SOS1: variants seen among roughly 807,000 people sequenced by gnomAD.
SOS1 encodes the protein SOS Ras/Rac guanine nucleotide exchange factor 1.
A neutral mutation model predicts 157.6 loss-of-function variants in SOS1; 25 were observed. The observed-to-expected ratio is 0.16, with a 90% CI of 0.12 to 0.22. The LOEUF is 0.22. SOS1 is among the 10% of genes least tolerant of loss of function. SOS1 has a pLI of 1.00. For missense variants in SOS1, 1,237 were observed against 1,599.1 expected (o/e 0.77, Z 3.86); for synonymous variants, 528 against 534.0 (o/e 0.99, Z 0.16).
intron 1 of SOS1, among the ~76,000 whole-genome samples, chr2:39,117,155 A>C (rs1673682380): frequency 6.6e-6 from 1 of 151,410 alleles, no homozygotes; most frequent in African/African-American, 2.4e-5. Flanking sequence ...CAGCCTCCCG[A>C]GTAGCTGGGA....
In SOS1 at chr2:38,982,431, T is replaced by A. The variant is rs986737288; in HGVS notation, c.*3393A>T. ...TGAATAAAGTCATCATGTTCCCTTA[T>A]AAATAACTTTACTGCATAATTCTTT... is the stretch of plus-strand genomic sequence containing the variant. On this transcript the variant is annotated 3_prime_UTR_variant, in exon 23 of 23. Transcript: ENST00000402219. 1 of 152,184 alleles carries A rather than the reference T, an allele frequency of 6.6e-6. No homozygotes were observed. The highest frequency in any genetic ancestry group is 1.5e-5 in the Non-Finnish European group (1 of 68,026). The allele number at this position is 152,184 out of a possible 1,614,324, so 9.4% of individuals were successfully genotyped here.
rs72918710 is a variant in SOS1, at chr2:39,022,428, T to C, written c.1858+142A>G. Reference sequence around the variant, plus strand: ...AAAAGTAAAACATTCCAAAGAAATATAAAGTGGGGTATTTTTAGTCAAAGA... The same window carrying C: ...AAAAGTAAAACATTCCAAAGAAATACAAAGTGGGGTATTTTTAGTCAAAGA... On this transcript the variant is annotated intron_variant, in intron 10 of 22. Transcript: ENST00000402219. 0.015 allele frequency: 10,246 copies of C among 674,832 alleles called. 865 individuals are homozygous for C. The African/African-American group carries it at 0.17, about 11-fold the overall frequency. 41.8% of individuals were successfully genotyped at this position (674,832 alleles called of 1,614,324 possible). A position where few individuals can be genotyped will look rare whatever the true frequency, so the allele number is the denominator to read the frequency against.
At chr2:39,080,051 T>C (rs1037400208) in intron 1 of SOS1, among the ~76,000 whole-genome samples, 1 of 152,032 alleles carries the variant, frequency 6.6e-6, no homozygotes, top group South Asian at 2.1e-4. Flanking sequence ...ATGATTCAAG[T>C]GCATTACATT....
rs1257208031 is a variant in SOS1 at position 38,986,212 on chromosome 2, G to A, written c.3614C>T (p.Ser1205Leu). The stretch of plus-strand genomic sequence containing the variant: ...TAAGGGAGGGCTTTCAGGAGGGTCT[G>A]AGATAGAGGTCCGGTCTGATATTGA... ...RYSISDRTSI[S>L]DPPESPPLLP... Residue 1205 changes from serine (S) to leucine (L), a missense_variant, in exon 23 of 23, where the codon TCA becomes TTA. This residue lies in a region of SOS1 where 306 missense variants were observed against 322.6 expected (regional missense o/e 0.95). Coordinates refer to ENST00000402219, the MANE Select transcript of SOS1 (RefSeq NM_005633.4). 6.2e-7 allele frequency: 1 copy of A among 1,613,978 alleles called. No homozygotes were observed. The highest frequency in any genetic ancestry group is 1.1e-5 in the South Asian group (1 of 91,086).
At chr2:38,988,509 C>T (rs1668619433) in intron 21 of SOS1, among the ~76,000 whole-genome samples, 1 of 151,928 alleles carries the variant, frequency 6.6e-6, no homozygotes, top group Non-Finnish European at 1.5e-5. Flanking sequence ...TCCCTTTAAG[C>T]ATTAAGCTTT....
chr2:39,040,817 A>ATAGGATTGAATCTCTGCTT (rs1483684769), intron 6 of SOS1, among the ~76,000 whole-genome samples: 2 of 152,360 alleles, frequency 1.3e-5, no homozygotes, highest in Non-Finnish European at 1.5e-5. Context: ...GCATACAAGT[A>ATAGGATTGAATCTCTGCTT]TAGGATTGAA....
chr2:39,048,828 T>G (rs1314035376), intron 6 of SOS1, among the ~76,000 whole-genome samples: 1 of 152,244 alleles, frequency 6.6e-6, no homozygotes, highest in African/African-American at 2.4e-5. Context: ...TGTCCTCATT[T>G]CTTGAAAATT....
At chr2:39,024,637 C>T (rs992940867) in intron 8 of SOS1, among the ~76,000 whole-genome samples, 8 of 152,030 alleles carry the variant, frequency 5.3e-5, no homozygotes, top group Non-Finnish European at 1.0e-4. Context: ...CAAATTTTGA[C>T]TCTACTTCTG....
At chr2:38,989,085 T>C (rs1359654946) in intron 21 of SOS1, among the ~76,000 whole-genome samples, 185 bp downstream of exon 21, 2 of 151,918 alleles carry the variant, frequency 1.3e-5, no homozygotes, top group African/African-American at 4.8e-5. Flanking sequence ...GCATGAGAAA[T>C]ATATAAATTT....
At chr2:39,063,074 TA>T in intron 2 of SOS1, among the ~76,000 whole-genome samples, 1 of 151,984 alleles carries the variant, frequency 6.6e-6, no homozygotes, top group East Asian at 1.9e-4. Context: ...TTTTTAAAAA[TA>T]AAAAAATACA....
chr2:38,991,068 C>A (rs1287367873), intron 20 of SOS1, among the ~76,000 whole-genome samples: 1 of 151,946 alleles, frequency 6.6e-6, no homozygotes, highest in East Asian at 1.9e-4. Context: ...AATACTGATA[C>A]CAGGTACCAA....
At chr2:39,011,260 T>C (rs1026676011) in intron 14 of SOS1, among the ~76,000 whole-genome samples, 5 of 152,210 alleles carry the variant, frequency 3.3e-5, no homozygotes, top group African/African-American at 1.2e-4. Flanking sequence ...CGTTCCTTTA[T>C]AGTAGCATTT....
At chr2:39,115,406 CTTTTTTTTTTTTTTT>C in intron 1 of SOS1, among the ~76,000 whole-genome samples, 1 of 64,064 alleles carries the variant, frequency 1.6e-5, no homozygotes, top group East Asian at 1.1e-3. Flanking sequence ...TGTTCTCTCT[CTTTTTTTTTTTTTTT>C]TTTTTTTTTT....
At chr2:39,012,689 AT>A (rs1669504671) in intron 13 of SOS1, among the ~76,000 whole-genome samples, 1 of 152,162 alleles carries the variant, frequency 6.6e-6, no homozygotes, top group African/African-American at 2.4e-5. Flanking sequence ...AAGAAAAGGT[AT>A]ATCTTATGTA....
At chr2:39,102,204 CAA>C (rs58865034) in intron 1 of SOS1, among the ~76,000 whole-genome samples, 2 of 23,750 alleles carry the variant, frequency 8.4e-5, no homozygotes, top group African/African-American at 1.4e-4. Flanking sequence ...GACTCTGTCT[CAA>C]AAAAAAAAAA....
chr2:39,105,090 TAAACA>T lies in SOS1; in HGVS notation c.87+15241_87+15245del, dbSNP rs1316189650. On this transcript the variant is annotated intron_variant, in intron 1 of 22. Transcript: ENST00000402219. ...TAGAAATCAGCCCTAGCAAAGCTCT[TAAACA>T]AAACATCTATGAATTAATTATCAGT... Among the ~76,000 whole-genome samples the T allele has an allele frequency of 7.2e-5, 11 of 152,292 alleles. No individual in the cohort carries two copies. The Middle Eastern group carries it at 0.017, about 235-fold the overall frequency.
At chr2:39,061,680 A>G (rs968752430) in intron 2 of SOS1, among the ~76,000 whole-genome samples, 3 of 152,184 alleles carry the variant, frequency 2.0e-5, no homozygotes, top group Admixed American at 2.0e-4. Context: ...GAGCCACTGC[A>G]TTCGGCCTTC....
At chr2:39,082,650 G>A (rs1477966253) in intron 1 of SOS1, 1 of 152,174 alleles carries the variant, frequency 6.6e-6, no homozygotes, top group African/African-American at 2.4e-5. Context: ...GATGGCTCCT[G>A]CGCAAGGATG....
At chr2:39,111,892 G>C (rs755825871) in intron 1 of SOS1, among the ~76,000 whole-genome samples, 2 of 152,006 alleles carry the variant, frequency 1.3e-5, no homozygotes, top group Admixed American at 6.6e-5. Flanking sequence ...ACCACATCCA[G>C]ATAATTTTTG....
Sources: allele counts gnomAD v4.1 joint callset (sites outside exome capture counted in the v4.1 genomes callset), GRCh38; gene constraint gnomAD v4.1.1; regional missense constraint gnomAD v4.1.1; transcripts MANE v1.5; gene names NCBI Gene and HGNC (gene_info 2026-07-23, HGNC 2026-07-21).